ZHX3: variants seen among roughly 807,000 people sequenced by gnomAD.
ZHX3 encodes zinc fingers and homeoboxes protein 3.
ZHX3 carries 20 observed loss-of-function variants against 64.5 expected under a neutral mutation model. The ratio of observed to expected loss-of-function variants is 0.31; its 90% CI spans 0.22 to 0.45. The LOEUF (loss-of-function observed/expected upper bound fraction) is 0.45, where lower values mean the gene tolerates loss of function less well. ZHX3 is among the 20% of genes least tolerant of loss of function. The pLI is 1.00. For missense variants in ZHX3, 1,041 were observed against 1,195.8 expected (o/e 0.87, Z 1.91); for synonymous variants, 423 against 461.6 (o/e 0.92, Z 1.07).
intron 3 of ZHX3, among the ~76,000 whole-genome samples, chr20:41,190,732 G>C (rs1291900188): frequency 6.6e-6 from 1 of 152,150 alleles, no homozygotes; most frequent in African/African-American, 2.4e-5. Flanking sequence ...CAGTCTAGTG[G>C]TGATCAATTC....
At chr20:41,272,343 T>A (rs563124098) in intron 1 of ZHX3, 1 of 152,324 alleles carries the variant, frequency 6.6e-6, no homozygotes, top group East Asian at 1.9e-4. Flanking sequence ...ACAGAAATTA[T>A]ATGATGTAAT....
At chr20:41,210,370 T>C (rs1265793028) in intron 2 of ZHX3, among the ~76,000 whole-genome samples, 4 of 152,198 alleles carry the variant, frequency 2.6e-5, no homozygotes, top group Non-Finnish European at 2.9e-5. Flanking sequence ...GGATTATAAA[T>C]CATGCTGCTA....
intron 2 of ZHX3, among the ~76,000 whole-genome samples, chr20:41,217,967 A>C (rs766753462): frequency 2.0e-5 from 3 of 152,178 alleles, no homozygotes; most frequent in Non-Finnish European, 4.4e-5. Context: ...AAGATTTTAC[A>C]ACCTGAACTA....
chr20:41,189,455 T>C (rs1159739831), intron 3 of ZHX3, among the ~76,000 whole-genome samples: 1 of 152,226 alleles, frequency 6.6e-6, no homozygotes, highest in Non-Finnish European at 1.5e-5. Flanking sequence ...ATATTAATTT[T>C]TCCAATCCAT....
At chr20:41,205,908 C>A (rs538557487) in intron 2 of ZHX3, among the ~76,000 whole-genome samples, 1 of 152,366 alleles carries the variant, frequency 6.6e-6, no homozygotes, top group African/African-American at 2.4e-5. Flanking sequence ...TAGGGGCCGA[C>A]TGACACCTCA....
At position 41,201,899 on chromosome 20, in the gene ZHX3, T is replaced by C. The variant is rs2038251313; in HGVS notation, c.2860+158A>G. 6.6e-6 allele frequency among the ~76,000 whole-genome samples: 1 copy of C among 152,240 alleles called. No individual in the cohort carries two copies. The highest frequency in any genetic ancestry group is 2.1e-4 in the South Asian group (1 of 4,834). Reference sequence around the variant, plus strand: ...TATCATATTATATTCCTATGGCTTCTGCTGCTAGTTGTCCTCTGAAGCAGC... The same window carrying C: ...TATCATATTATATTCCTATGGCTTCCGCTGCTAGTTGTCCTCTGAAGCAGC... On this transcript the variant is annotated intron_variant, in intron 3 of 3. Coordinates refer to ENST00000683867, the MANE Select transcript of ZHX3 (RefSeq NM_001384317.1). This position sits in a 1 kb window ranked among gnomAD's most constrained non-coding sequence, Gnocchi z 5.0.
At chr20:41,258,875 C>T (rs1266998328) in intron 2 of ZHX3, among the ~76,000 whole-genome samples, 1 of 152,124 alleles carries the variant, frequency 6.6e-6, no homozygotes, top group Non-Finnish European at 1.5e-5. Context: ...ATTCACAAAC[C>T]TGCTCACTCT....
At position 41,203,324 on chromosome 20, in the gene ZHX3, C is replaced by G. The variant is rs749806049; in HGVS notation, c.1593G>C (p.Thr531=). 6.2e-7 allele frequency: 1 copy of G among 1,614,172 alleles called. No homozygotes were observed. The highest frequency in any genetic ancestry group is 1.1e-5 in the South Asian group (1 of 91,082). ...TCCGCACCTCTCTGGTACTGAGGCC[C>G]GTCACTTTTGTGAGATGTTCAACTT... is the stretch of plus-strand genomic sequence containing the variant. ...QSEVEHLTKV[T]GLSTREVRKW... The change falls in exon 3 of 4, where the codon ACG becomes ACC. Residue 531 remains threonine (T), a synonymous_variant. Transcript: ENST00000683867. The surrounding 1 kb of genome is among the most constrained non-coding windows in gnomAD (Gnocchi z 7.1).
At chr20:41,265,168 A>C (rs2042775112) in intron 2 of ZHX3, among the ~76,000 whole-genome samples, 2 of 152,140 alleles carry the variant, frequency 1.3e-5, no homozygotes, top group African/African-American at 4.8e-5. Flanking sequence ...AAACTTATAA[A>C]ACCCAAAGGA....
Position 41,226,059 on chromosome 20 carries a change from T to C in ZHX3, c.-150-20993A>G, listed in dbSNP as rs1355884878. Among the ~76,000 whole-genome samples the C allele has an allele frequency of 6.6e-6, 1 of 152,142 alleles. No individual in the cohort carries two copies. Among genetic ancestry groups the C allele is most frequent in the East Asian group, 1.9e-4 (1 of 5,186 alleles). On this transcript the variant is annotated intron_variant, in intron 2 of 3. Transcript: ENST00000683867. The surrounding 1 kb of genome is among the most constrained non-coding windows in gnomAD (Gnocchi z 4.4). ...GAAAAGCAAGCTGTTTTCATCATCCTACTACCACTACTAATACTACCAGAA... is the reference window on the plus strand; with the variant it reads ...GAAAAGCAAGCTGTTTTCATCATCCCACTACCACTACTAATACTACCAGAA...
intron 2 of ZHX3, among the ~76,000 whole-genome samples, chr20:41,222,567 C>T (rs1028705248): frequency 6.6e-6 from 1 of 152,044 alleles, no homozygotes; most frequent in Non-Finnish European, 1.5e-5. Flanking sequence ...AGAGAAACTA[C>T]AGAAATGGGG....
chr20:41,232,216 CA>C lies in ZHX3; in HGVS notation c.-150-27151del, dbSNP rs1270241191. Among the ~76,000 whole-genome samples, 7 of 151,256 alleles carry C rather than the reference CA, an allele frequency of 4.6e-5. No individual in the cohort carries two copies. The highest frequency in any genetic ancestry group is 3.4e-3 in the Middle Eastern group (1 of 290). ...TAACCATCTTCAATCATTGTTATTACACAGAGAATGATGACCAGATGGTCTC... is the reference window on the plus strand; with the variant it reads ...TAACCATCTTCAATCATTGTTATTACCAGAGAATGATGACCAGATGGTCTC... On this transcript the variant is annotated intron_variant, in intron 2 of 3. Coordinates refer to ENST00000683867, the MANE Select transcript of ZHX3 (RefSeq NM_001384317.1). The surrounding 1 kb of genome is among the most constrained non-coding windows in gnomAD (Gnocchi z 5.0).
In ZHX3 at chr20:41,180,483, A is replaced by C. The variant is rs953412551; in HGVS notation, c.*4708T>G. On this transcript the variant is annotated 3_prime_UTR_variant, in exon 4 of 4. Transcript: ENST00000683867. ...ATGACTCTGCTGGATCTAGAGCTAAATAGAAACTTCTTTGCCATAGAAACT... is the reference window on the plus strand; with the variant it reads ...ATGACTCTGCTGGATCTAGAGCTAACTAGAAACTTCTTTGCCATAGAAACT... The C allele has an allele frequency of 6.6e-6, 1 of 151,948 alleles. No homozygotes were observed. Among genetic ancestry groups the C allele is most frequent in the African/African-American group, 2.4e-5 (1 of 41,430 alleles). 9.4% of individuals were successfully genotyped at this position (151,948 alleles called of 1,614,324 possible).
intron 3 of ZHX3, among the ~76,000 whole-genome samples, chr20:41,187,492 T>A (rs2036620803): frequency 6.6e-6 from 1 of 152,232 alleles, no homozygotes; most frequent in Admixed American, 6.5e-5. Flanking sequence ...TACTTTTGCA[T>A]GTATATATCC....
chr20:41,266,447 T>C (rs2042851586), intron 2 of ZHX3, among the ~76,000 whole-genome samples: 1 of 152,158 alleles, frequency 6.6e-6, no homozygotes, highest in Non-Finnish European at 1.5e-5. Context: ...CAGGCATTGC[T>C]AGGGCCCACC....
At chr20:41,313,893 G>A (rs912962924) in intron 1 of ZHX3, among the ~76,000 whole-genome samples, 9 of 152,164 alleles carry the variant, frequency 5.9e-5, no homozygotes, top group African/African-American at 2.2e-4. Context: ...ACCACGCCCA[G>A]CCTCCTTTTA....
chr20:41,214,270 A>C lies in ZHX3; in HGVS notation c.-150-9204T>G, dbSNP rs75978209. ...GTTTCATATTGTTGGAAGTGCTTTT[A>C]TACACATCCCCTCATTTCACTCATA... On this transcript the variant is annotated intron_variant, in intron 2 of 3. Transcript: ENST00000683867. Among the ~76,000 whole-genome samples the C allele has an allele frequency of 5.0e-3, 757 of 152,288 alleles. 8 individuals are homozygous for C. Among genetic ancestry groups the C allele is most frequent in the African/African-American group, 0.017 (720 of 41,546 alleles).
At chr20:41,221,851 G>C (rs2039963728) in intron 2 of ZHX3, among the ~76,000 whole-genome samples, 1 of 152,210 alleles carries the variant, frequency 6.6e-6, no homozygotes, top group Admixed American at 6.5e-5. Context: ...CATGTTCAAA[G>C]AACAGCAAGG....
chr20:41,234,183 C>A (rs923242543), intron 2 of ZHX3, among the ~76,000 whole-genome samples: 4 of 152,192 alleles, frequency 2.6e-5, no homozygotes, highest in African/African-American at 9.7e-5. Flanking sequence ...GGTGGCACTG[C>A]ATTGCAATTG....
Sources: gnomAD v4.1 joint callset for allele counts (sites outside exome capture counted in the v4.1 genomes callset) on GRCh38, gnomAD v4.1.1 for gene constraint, Gnocchi (gnomAD v3.1) non-coding constraint, MANE v1.5 for transcripts, NCBI Gene and HGNC (gene_info 2026-07-23, HGNC 2026-07-21) for gene names.